Variants in MARCHF1 observed in about 807,000 individuals in gnomAD.
The protein encoded by MARCHF1 is E3 ubiquitin-protein ligase MARCHF1.
A neutral mutation model predicts 54.2 loss-of-function variants in MARCHF1; 40 were observed. That is an observed-to-expected ratio of 0.74 (90% CI 0.57 to 0.96). The LOEUF is 0.96. MARCHF1 is among the 40% of genes least tolerant of loss of function. The pLI is 0.00. For synonymous variants in MARCHF1, 236 were observed against 236.3 expected, an observed-to-expected ratio of 1.00 and a Z score of 0.01; for missense variants, 586 against 656.5, an observed-to-expected ratio of 0.89 and a Z score of 1.17.
intron 4 of MARCHF1, among the ~76,000 whole-genome samples, chr4:163,787,000 A>C (rs1055114005): frequency 6.6e-6 from 1 of 151,962 alleles, no homozygotes; most frequent in African/African-American, 2.4e-5. Flanking sequence ...TCTAGAGCAG[A>C]TGATGATGGA....
intron 4 of MARCHF1, among the ~76,000 whole-genome samples, chr4:163,724,122 T>C (rs575093560): frequency 1.5e-4 from 23 of 152,204 alleles, no homozygotes; most frequent in South Asian, 8.3e-4. Flanking sequence ...ATTTTCAGCT[T>C]TTCTGCTCTG....
At chr4:163,642,780 G>GT (rs941626847) in intron 5 of MARCHF1, among the ~76,000 whole-genome samples, 46 of 152,056 alleles carry the variant, frequency 3.0e-4, no homozygotes, top group African/African-American at 1.0e-3. Flanking sequence ...AAAAACACCT[G>GT]TATCTATGGA....
At chr4:163,835,870 TTG>T (rs1312810723) in intron 4 of MARCHF1, among the ~76,000 whole-genome samples, 1 of 6,740 alleles carries the variant, frequency 1.5e-4, no homozygotes, top group Non-Finnish European at 7.4e-3. Flanking sequence ...TAGAAATAGA[TTG>T]TTTTTTTCTT....
At chr4:163,681,720 A>G (rs1007439303) in intron 5 of MARCHF1, among the ~76,000 whole-genome samples, 2 of 152,198 alleles carry the variant, frequency 1.3e-5, no homozygotes, top group Non-Finnish European at 2.9e-5. Flanking sequence ...TTGCCCAGCC[A>G]TGCTGAACTG....
At chr4:163,624,880 T>C (rs1421647951) in intron 5 of MARCHF1, among the ~76,000 whole-genome samples, 2 of 152,250 alleles carry the variant, frequency 1.3e-5, no homozygotes, top group Non-Finnish European at 2.9e-5. Flanking sequence ...TCTTCTTTTT[T>C]ATCTGTACTC....
chr4:164,185,039 A>T (rs956762689), intron 1 of MARCHF1, among the ~76,000 whole-genome samples: 2 of 152,240 alleles, frequency 1.3e-5, no homozygotes, highest in African/African-American at 4.8e-5. Flanking sequence ...GGATTTAAAA[A>T]TCAAAACAAA....
At chr4:164,306,906 C>G (rs946261795) in intron 1 of MARCHF1, among the ~76,000 whole-genome samples, 1 of 152,172 alleles carries the variant, frequency 6.6e-6, no homozygotes, top group African/African-American at 2.4e-5. Flanking sequence ...TTACATATTT[C>G]ATTTTAAATG....
At chr4:163,704,542 C>CT (rs1046391233) in intron 4 of MARCHF1, among the ~76,000 whole-genome samples, 29 of 149,660 alleles carry the variant, frequency 1.9e-4, no homozygotes, top group Admixed American at 8.0e-4. Flanking sequence ...TTTACAGGGT[C>CT]TTTTTTTTTC....
At chr4:164,174,896 T>A (rs944273417) in intron 1 of MARCHF1, among the ~76,000 whole-genome samples, 1 of 151,424 alleles carries the variant, frequency 6.6e-6, no homozygotes, top group East Asian at 1.9e-4. Context: ...GGGAAGAGAG[T>A]TTTTTTTGTT....
At chr4:163,948,908 A>G (rs1752075500) in intron 3 of MARCHF1, among the ~76,000 whole-genome samples, 1 of 152,250 alleles carries the variant, frequency 6.6e-6, no homozygotes, top group African/African-American at 2.4e-5. Flanking sequence ...AGAAACACCA[A>G]GTCTAGGGGA....
intron 2 of MARCHF1, among the ~76,000 whole-genome samples, chr4:164,091,668 T>G (rs576490666): frequency 7.9e-5 from 12 of 152,146 alleles, no homozygotes; most frequent in African/African-American, 2.9e-4. Context: ...ACAAGTAGTT[T>G]ATAGTCAAAT....
chr4:164,101,529 C>G (rs531071743), intron 2 of MARCHF1, among the ~76,000 whole-genome samples: 2 of 129,864 alleles, frequency 1.5e-5, no homozygotes, highest in Non-Finnish European at 3.4e-5. Context: ...GCAGGGTACT[C>G]CAACAGACCT....
Position 163,800,393 on chromosome 4 carries a change from GTTCT to G in MARCHF1, c.111+53624_111+53627del, listed in dbSNP as rs533680261. On this transcript the variant is annotated intron_variant, in intron 4 of 9. Transcript: ENST00000514618. ...CCCTCATTTAAGTGGCACATGTGTT[GTTCT>G]TTCAACATTTTTTTGCTTTGCTACT... is the stretch of plus-strand genomic sequence containing the variant. Among the ~76,000 whole-genome samples the G allele has an allele frequency of 5.6e-3, 857 of 151,910 alleles. 11 individuals carry two copies. The highest frequency in any genetic ancestry group is 0.019 in the African/African-American group (808 of 41,488).
At chr4:163,917,127 C>T (rs1483611038) in intron 3 of MARCHF1, among the ~76,000 whole-genome samples, 3 of 152,106 alleles carry the variant, frequency 2.0e-5, no homozygotes, top group Non-Finnish European at 4.4e-5. Flanking sequence ...TGCCTTCTTT[C>T]ATTTAGTAAT....
At chr4:164,101,199 A>G (rs1421258467) in intron 2 of MARCHF1, among the ~76,000 whole-genome samples, 4 of 152,230 alleles carry the variant, frequency 2.6e-5, no homozygotes, top group South Asian at 2.1e-4. Context: ...GGCACCCGCC[A>G]TTGCCCAGGC....
chr4:163,541,075 T>C (rs995933226), intron 9 of MARCHF1, among the ~76,000 whole-genome samples: 1 of 152,190 alleles, frequency 6.6e-6, no homozygotes, highest in Non-Finnish European at 1.5e-5. Context: ...GCTAGAACCC[T>C]GGCCTTCTGA....
intron 2 of MARCHF1, among the ~76,000 whole-genome samples, chr4:164,079,795 A>G (rs1288773000): frequency 6.6e-6 from 1 of 152,174 alleles, no homozygotes; most frequent in African/African-American, 2.4e-5. Flanking sequence ...CACAACACAC[A>G]TTCTAAAAGA....
chr4:164,142,041 A>G (rs924964361), intron 1 of MARCHF1, among the ~76,000 whole-genome samples: 7 of 152,276 alleles, frequency 4.6e-5, no homozygotes, highest in Admixed American at 3.9e-4. Context: ...TCCCTTTCCC[A>G]GTCAAAGAAA....
intron 1 of MARCHF1, among the ~76,000 whole-genome samples, chr4:164,281,668 T>A (rs1734029899): frequency 6.6e-6 from 1 of 152,130 alleles, no homozygotes; most frequent in African/African-American, 2.4e-5. Flanking sequence ...GCAAGAAAGC[T>A]AAAGGGTCTG....
Sources: allele counts gnomAD v4.1 joint callset (sites outside exome capture counted in the v4.1 genomes callset), GRCh38; gene constraint gnomAD v4.1.1; transcripts MANE v1.5; gene names NCBI Gene and HGNC (gene_info 2026-07-23, HGNC 2026-07-21).